CAAP1: variants seen among roughly 807,000 people sequenced by gnomAD.
CAAP1 encodes the protein conserved anti-apoptotic protein.
In CAAP1, 20 loss-of-function variants were observed where a neutral mutation model predicts 34.0. That is an observed-to-expected ratio of 0.59 (90% CI 0.41 to 0.86). The LOEUF (loss-of-function observed/expected upper bound fraction) is 0.86, where lower values mean the gene tolerates loss of function less well. Ranked by LOEUF, CAAP1 falls within the 40% of genes least tolerant of loss-of-function variation. The pLI is 0.00. For missense variants in CAAP1, 538 were observed against 450.5 expected (o/e 1.19, Z -1.76); for synonymous variants, 213 against 166.7 (o/e 1.28, Z -2.14).
intron 4 of CAAP1, among the ~76,000 whole-genome samples, chr9:26,872,077 G>A (rs892515179): frequency 6.6e-6 from 1 of 152,132 alleles, no homozygotes; most frequent in Non-Finnish European, 1.5e-5. Flanking sequence ...ACATATCACT[G>A]CTAGGGTTCA....
chr9:26,869,414 T>C (rs561391146), intron 4 of CAAP1, among the ~76,000 whole-genome samples: 2 of 152,308 alleles, frequency 1.3e-5, no homozygotes, highest in South Asian at 2.1e-4. Context: ...TTACCTTTAA[T>C]ACAAATTCAT....
chr9:26,873,197 G>A (rs1047283241), intron 4 of CAAP1, among the ~76,000 whole-genome samples: 1 of 152,228 alleles, frequency 6.6e-6, no homozygotes, highest in Non-Finnish European at 1.5e-5. Context: ...ACCCGTGATT[G>A]AGCCAATGCA....
intron 5 of CAAP1, among the ~76,000 whole-genome samples, chr9:26,849,475 A>G (rs546075320): frequency 6.6e-6 from 1 of 152,352 alleles, no homozygotes; most frequent in East Asian, 1.9e-4. Flanking sequence ...GCTCTGTAAC[A>G]TCAGTAACTT....
At chr9:26,887,175 A>C (rs1365898748) in intron 2 of CAAP1, 138 bp downstream of exon 2, 1 of 546,466 alleles carries the variant, frequency 1.8e-6, no homozygotes, top group African/African-American at 1.9e-5. Flanking sequence ...TCACGCCACC[A>C]CACTCCAGCC....
Position 26,861,058 on chromosome 9 carries a change from G to T in CAAP1, c.739+8C>A. ...ATTTTATACAATAATCAAGTACTTG[G>T]TTCATACCTTGTTTTAATTCCAAAC... On this transcript the variant is annotated splice_region_variant and intron_variant, in intron 5 of 5. Transcript: ENST00000333916. The T allele has an allele frequency of 6.3e-7, 1 of 1,585,744 alleles. No homozygotes were observed.
chr9:26,866,913 G>T (rs62544405), intron 4 of CAAP1, among the ~76,000 whole-genome samples: 3,931 of 152,200 alleles, frequency 0.026, 90 homozygotes, highest in South Asian at 0.068. Context: ...GGTCCCCAAC[G>T]CCTGGGCCAC....
At position 26,892,627 on chromosome 9, in the gene CAAP1, G is replaced by A. The variant is rs766721198; in HGVS notation, c.89C>T (p.Pro30Leu). 11 of 1,609,296 alleles carry A rather than the reference G, an allele frequency of 6.8e-6. 1 individual carries two copies. The Admixed American group carries it at 1.8e-4, about 27-fold the overall frequency. ...TCCACTGCTGCCGCTGGCCAACGCGGGTACGATGTCCGGGGCCGCGAGCGC... is the reference window on the plus strand; with the variant it reads ...TCCACTGCTGCCGCTGGCCAACGCGAGTACGATGTCCGGGGCCGCGAGCGC... Reference protein sequence around the residue: ...AAALAAPDIVPALASGSSGST... With the variant: ...AAALAAPDIVLALASGSSGST... Residue 30 changes from proline (P) to leucine (L), a missense_variant, in exon 1 of 6, where the codon CCC (proline) becomes CTC (leucine). By Grantham distance (98) the Pro-to-Leu change is moderately conservative. Transcript: ENST00000333916.
intron 2 of CAAP1, among the ~76,000 whole-genome samples, chr9:26,886,566 T>C (rs528115549): frequency 1.3e-5 from 2 of 152,224 alleles, no homozygotes; most frequent in Non-Finnish European, 2.9e-5. Flanking sequence ...GGCCAATTTC[T>C]ACAACTGTAA....
At chr9:26,848,796 A>G (rs1822676782) in intron 5 of CAAP1, among the ~76,000 whole-genome samples, 1 of 152,214 alleles carries the variant, frequency 6.6e-6, no homozygotes. Context: ...TCTCCTGGCT[A>G]ATAAAATGTT....
chr9:26,888,032 T>C (rs1470796607), intron 1 of CAAP1, among the ~76,000 whole-genome samples: 1 of 152,210 alleles, frequency 6.6e-6, no homozygotes, highest in Non-Finnish European at 1.5e-5. Flanking sequence ...TCCATTTTAC[T>C]TTCTGTCTCC....
chr9:26,843,447 T>C (rs572740277), intron 5 of CAAP1, among the ~76,000 whole-genome samples: 9 of 152,300 alleles, frequency 5.9e-5, no homozygotes, highest in African/African-American at 2.2e-4. Flanking sequence ...AAATATTGAA[T>C]ATGTTTTTTG....
intron 4 of CAAP1, among the ~76,000 whole-genome samples, chr9:26,879,860 G>T (rs531622754): frequency 3.5e-4 from 54 of 152,302 alleles, no homozygotes; most frequent in African/African-American, 1.2e-3. Flanking sequence ...TACTTCTGAG[G>T]TTTTGGGACT....
At chr9:26,853,524 T>C (rs1822803067) in intron 5 of CAAP1, among the ~76,000 whole-genome samples, 1 of 152,136 alleles carries the variant, frequency 6.6e-6, no homozygotes, top group African/African-American at 2.4e-5. Flanking sequence ...AAAAAGTCAG[T>C]CCTGGGGCAC....
chr9:26,887,145 G>C (rs1481554091), intron 2 of CAAP1, among the ~76,000 whole-genome samples, 168 bp downstream of exon 2: 1 of 152,166 alleles, frequency 6.6e-6, no homozygotes, highest in Non-Finnish European at 1.5e-5. Flanking sequence ...CCGGGAGGCG[G>C]AGGTTGCAGT....
At position 26,892,639 on chromosome 9, in the gene CAAP1, G is replaced by A. The variant is rs973982646; in HGVS notation, c.77C>T (p.Pro26Leu). Residue 26 changes from proline (P) to leucine (L), a missense_variant, in exon 1 of 6, where the codon CCG becomes CTG. Physicochemically the swap from Pro to Leu is moderately conservative, Grantham distance 98. Around this residue, in one of 3 missense-constraint regions of CAAP1, gnomAD observed 514 missense variants for 408.4 expected, o/e 1.26. Coordinates refer to ENST00000333916, the MANE Select transcript of CAAP1 (RefSeq NM_024828.4). ...GCTGGCCAACGCGGGTACGATGTCC[G>A]GGGCCGCGAGCGCTGCGGCCGCCTC... ...SQEAAAALAA[P>L]DIVPALASGS... is the part of the protein sequence containing the mutation. 4.4e-6 allele frequency: 7 copies of A among 1,608,270 alleles called. No individual in the cohort carries two copies. Among genetic ancestry groups the A allele is most frequent in the East Asian group, 2.2e-5 (1 of 44,860 alleles).
intron 4 of CAAP1, among the ~76,000 whole-genome samples, chr9:26,871,582 A>G (rs1189245976): frequency 6.6e-6 from 1 of 151,228 alleles, no homozygotes; most frequent in African/African-American, 2.4e-5. Context: ...GTCTTTAAAA[A>G]AAAAAAAAAA....
chr9:26,866,733 T>C (rs1240018814), intron 4 of CAAP1, among the ~76,000 whole-genome samples: 1 of 152,224 alleles, frequency 6.6e-6, no homozygotes, highest in Non-Finnish European at 1.5e-5. Context: ...ATTTGCCTAG[T>C]GTATTTGTTT....
chr9:26,886,067 T>C (rs777173232), intron 3 of CAAP1, 37 bp downstream of exon 3: 9 of 1,079,558 alleles, frequency 8.3e-6, no homozygotes, highest in Non-Finnish European at 1.2e-5. Flanking sequence ...TAGTATTAAC[T>C]AAGAAGTTGC....
chr9:26,848,824 T>A (rs758593069), intron 5 of CAAP1, among the ~76,000 whole-genome samples: 1 of 152,236 alleles, frequency 6.6e-6, no homozygotes, highest in Non-Finnish European at 1.5e-5. Flanking sequence ...TTGGCTGTTC[T>A]ATTTAGCTGC....
Sources: gnomAD v4.1 joint callset for allele counts (sites outside exome capture counted in the v4.1 genomes callset) on GRCh38, gnomAD v4.1.1 for gene constraint, gnomAD v4.1.1 regional missense constraint, MANE v1.5 for transcripts, NCBI Gene and HGNC (gene_info 2026-07-23, HGNC 2026-07-21) for gene names.